ERC2: variants seen among roughly 807,000 people sequenced by gnomAD.
ERC2 encodes ERC protein 2.
A neutral mutation model predicts 114.8 loss-of-function variants in ERC2; 42 were observed. That is an observed-to-expected ratio of 0.37 (90% CI 0.29 to 0.47). The LOEUF (loss-of-function observed/expected upper bound fraction) is 0.47. ERC2 is among the 20% of genes least tolerant of loss of function. The pLI is 0.99. For synonymous variants in ERC2, 454 were observed against 425.5 expected (o/e 1.07, Z -0.82); for missense variants, 939 against 1,150.7 (o/e 0.82, Z 2.66).
At chr3:56,284,362 G>C (rs1392436999) in intron 3 of ERC2, among the ~76,000 whole-genome samples, 2 of 152,158 alleles carry the variant, frequency 1.3e-5, no homozygotes, top group African/African-American at 4.8e-5. Flanking sequence ...AGCTGTAGTG[G>C]GACTCTGCCT....
chr3:55,851,108 G>T (rs2061552736), intron 14 of ERC2, among the ~76,000 whole-genome samples: 1 of 152,164 alleles, frequency 6.6e-6, no homozygotes, highest in Admixed American at 6.5e-5. Context: ...GAGACTGCTG[G>T]CACATTCTTG....
chr3:55,952,946 C>A (rs1160268888), intron 12 of ERC2, among the ~76,000 whole-genome samples: 1 of 152,094 alleles, frequency 6.6e-6, no homozygotes, highest in Non-Finnish European at 1.5e-5. Flanking sequence ...GTAATCCCAG[C>A]ACTTTGGGAG....
chr3:55,660,512 C>A (rs2061081172), intron 17 of ERC2, among the ~76,000 whole-genome samples: 1 of 152,118 alleles, frequency 6.6e-6, no homozygotes, highest in Non-Finnish European at 1.5e-5. Flanking sequence ...CTTGACCATC[C>A]AAATTTGATT....
chr3:55,628,796 A>C (rs2059625509), intron 17 of ERC2, among the ~76,000 whole-genome samples: 1 of 152,240 alleles, frequency 6.6e-6, no homozygotes, highest in Non-Finnish European at 1.5e-5. Flanking sequence ...GGTTGAATCC[A>C]ATGTGACACT....
At chr3:56,431,048 A>T (rs2061768731) in intron 2 of ERC2, among the ~76,000 whole-genome samples, 1 of 152,160 alleles carries the variant, frequency 6.6e-6, no homozygotes, top group South Asian at 2.1e-4. Context: ...TTTATGCTTC[A>T]TCTGTAAAAT....
chr3:56,439,817 G>C (rs1220676349), intron 1 of ERC2, among the ~76,000 whole-genome samples: 1 of 151,560 alleles, frequency 6.6e-6, no homozygotes, highest in South Asian at 2.1e-4. Flanking sequence ...ATGCATATAA[G>C]ATTATACACA....
At chr3:55,513,915 A>T (rs2052299295) in intron 17 of ERC2, among the ~76,000 whole-genome samples, 1 of 152,124 alleles carries the variant, frequency 6.6e-6, no homozygotes, top group African/African-American at 2.4e-5. Flanking sequence ...GATTACAGGA[A>T]TGAGCCACTA....
At chr3:55,929,794 C>T (rs563137258) in intron 13 of ERC2, among the ~76,000 whole-genome samples, 7 of 152,274 alleles carry the variant, frequency 4.6e-5, no homozygotes, top group East Asian at 1.9e-4. Context: ...CTGTCCCCTT[C>T]GCTCTCTTCC....
intron 10 of ERC2, among the ~76,000 whole-genome samples, chr3:56,006,979 A>G (rs2072543211): frequency 6.6e-6 from 1 of 152,110 alleles, no homozygotes; most frequent in South Asian, 2.1e-4. Flanking sequence ...TTTCTTAAAC[A>G]GGAAATCTGA....
intron 2 of ERC2, among the ~76,000 whole-genome samples, chr3:56,303,358 T>TA (rs2150374465): frequency 6.6e-6 from 1 of 152,280 alleles, no homozygotes; most frequent in African/African-American, 2.4e-5. Flanking sequence ...GGAAAAAGCT[T>TA]AAAATGACTC....
In ERC2 at chr3:55,680,904, T is replaced by C. The variant is rs937149963; in HGVS notation, c.*39+2890A>G. On this transcript the variant is annotated intron_variant, in intron 17 of 17. Transcript: ENST00000288221. ...GCATAGACTACATAATTAGTGGCGCTGAGGGCAAATGAACATGTGAGGCCC... is the reference window on the plus strand; with the variant it reads ...GCATAGACTACATAATTAGTGGCGCCGAGGGCAAATGAACATGTGAGGCCC... 3.3e-5 allele frequency among the ~76,000 whole-genome samples: 5 copies of C among 152,174 alleles called. No homozygotes were observed. In the East Asian group the frequency reaches 9.6e-4, roughly 29 times the overall value.
At chr3:56,193,958 T>C (rs113548795) in intron 3 of ERC2, among the ~76,000 whole-genome samples, 1 of 152,174 alleles carries the variant, frequency 6.6e-6, no homozygotes. Context: ...GGGCTACCAA[T>C]AAACTGGGAC....
intron 13 of ERC2, among the ~76,000 whole-genome samples, chr3:55,897,401 T>C (rs1395698890): frequency 6.6e-6 from 1 of 152,382 alleles, no homozygotes; most frequent in Non-Finnish European, 1.5e-5. Context: ...TTTAAAGCCA[T>C]ATTTCAAAAA....
intron 2 of ERC2, among the ~76,000 whole-genome samples, chr3:56,392,551 ACT>A (rs1471523796): frequency 6.6e-6 from 1 of 151,970 alleles, no homozygotes; most frequent in Non-Finnish European, 1.5e-5. Context: ...GAACTCATTA[ACT>A]CTATCTACTC....
intron 2 of ERC2, among the ~76,000 whole-genome samples, chr3:56,316,175 A>C (rs999132618): frequency 3.3e-5 from 5 of 152,178 alleles, no homozygotes; most frequent in Non-Finnish European, 7.3e-5. Flanking sequence ...AGTGAGGCAC[A>C]AAACCAGCAG....
chr3:55,660,358 T>C (rs2061071750), intron 17 of ERC2, among the ~76,000 whole-genome samples: 1 of 152,164 alleles, frequency 6.6e-6, no homozygotes, highest in Non-Finnish European at 1.5e-5. Flanking sequence ...GAGTGCCTGG[T>C]GCAGGGAAGG....
intron 17 of ERC2, chr3:55,657,080 G>A (rs1008494626): frequency 6.6e-6 from 1 of 152,078 alleles, no homozygotes; most frequent in African/African-American, 2.4e-5. Flanking sequence ...GGGAAGCTCC[G>A]TGGCTATGAC....
At chr3:56,008,753 T>A (rs150064468) in intron 9 of ERC2, among the ~76,000 whole-genome samples, 244 of 152,298 alleles carry the variant, frequency 1.6e-3, no homozygotes, top group African/African-American at 5.6e-3. Flanking sequence ...GTATTCTGCA[T>A]GGGCCTGATC....
At chr3:55,740,997 C>A (rs2065935760) in intron 14 of ERC2, among the ~76,000 whole-genome samples, 1 of 152,120 alleles carries the variant, frequency 6.6e-6, no homozygotes, top group South Asian at 2.1e-4. Flanking sequence ...AATATGAAAT[C>A]TGAAATACTT....
Sources: allele counts gnomAD v4.1 joint callset (sites outside exome capture counted in the v4.1 genomes callset), GRCh38; gene constraint gnomAD v4.1.1; transcripts MANE v1.5; gene names NCBI Gene and HGNC (gene_info 2026-07-23, HGNC 2026-07-21).